MYO1D: variants seen among roughly 807,000 people sequenced by gnomAD.
MYO1D encodes the protein myosin ID.
MYO1D carries 83 observed loss-of-function variants against 122.0 expected under a neutral mutation model. The observed-to-expected ratio is 0.68, with a 90% CI of 0.57 to 0.82. The LOEUF (loss-of-function observed/expected upper bound fraction) is 0.82. Ranked by LOEUF, MYO1D falls within the 40% of genes least tolerant of loss-of-function variation. The pLI is 0.00. For synonymous variants in MYO1D, 464 were observed against 446.9 expected, an observed-to-expected ratio of 1.04 and a Z score of -0.48; for missense variants, 1,157 against 1,269.5, an observed-to-expected ratio of 0.91 and a Z score of 1.35.
At chr17:32,620,893 A>G (rs2087847316) in intron 20 of MYO1D, among the ~76,000 whole-genome samples, 1 of 152,178 alleles carries the variant, frequency 6.6e-6, no homozygotes, top group African/African-American at 2.4e-5. Flanking sequence ...AACATACACA[A>G]GTATTTGCAT....
rs1055495103 is a variant in MYO1D at position 32,845,420 on chromosome 17, T to C, written c.95+31358A>G. On this transcript the variant is annotated intron_variant, in intron 1 of 21. Transcript: ENST00000318217. The stretch of plus-strand genomic sequence containing the variant: ...TTTCAGCTTTGCTACGAAAAAAAGA[T>C]AGAGTGCCATAATATTGATAATGTC... Among the ~76,000 whole-genome samples, 9 of 152,278 alleles carry C rather than the reference T, an allele frequency of 5.9e-5. 1 individual carries two copies. In the Middle Eastern group the frequency reaches 0.02, roughly 345 times the overall value.
chr17:32,864,080 A>G (rs2091103565), intron 1 of MYO1D, among the ~76,000 whole-genome samples: 1 of 135,020 alleles, frequency 7.4e-6, no homozygotes, highest in Non-Finnish European at 1.5e-5. Flanking sequence ...TGGAAAAAAA[A>G]TCATCTAAAA....
intron 1 of MYO1D, among the ~76,000 whole-genome samples, chr17:32,839,560 A>T (rs1402043346): frequency 3.3e-5 from 5 of 152,204 alleles, no homozygotes; most frequent in Admixed American, 3.3e-4. Flanking sequence ...GTGAGCTGGA[A>T]TATGGACAGC....
At chr17:32,739,236 A>G (rs1186655659) in intron 13 of MYO1D, among the ~76,000 whole-genome samples, 1 of 152,134 alleles carries the variant, frequency 6.6e-6, no homozygotes, top group Non-Finnish European at 1.5e-5. Flanking sequence ...TTGGGGGTTG[A>G]GCAACCCAAA....
chr17:32,774,304 T>C (rs2090153081), intron 4 of MYO1D, among the ~76,000 whole-genome samples: 1 of 152,214 alleles, frequency 6.6e-6, no homozygotes. Flanking sequence ...CTATGGGGTT[T>C]CCCCTGCAAT....
intron 19 of MYO1D, among the ~76,000 whole-genome samples, chr17:32,642,138 T>C (rs1186939337): frequency 6.6e-6 from 1 of 152,272 alleles, no homozygotes; most frequent in African/African-American, 2.4e-5. Context: ...CAGTTTCAGC[T>C]TTCTACATAT....
chr17:32,532,811 G>A (rs2150873976), intron 21 of MYO1D, among the ~76,000 whole-genome samples: 1 of 151,062 alleles, frequency 6.6e-6, no homozygotes, highest in South Asian at 2.1e-4. Flanking sequence ...CACTCCCATT[G>A]TTTGGTGCAA....
intron 15 of MYO1D, among the ~76,000 whole-genome samples, chr17:32,719,806 A>T (rs1358980490): frequency 6.6e-6 from 1 of 152,214 alleles, no homozygotes; most frequent in Non-Finnish European, 1.5e-5. Context: ...GTCTGATTAC[A>T]AAGTTTGACA....
chr17:32,643,231 AT>A (rs2088230924), intron 19 of MYO1D, among the ~76,000 whole-genome samples: 1 of 152,058 alleles, frequency 6.6e-6, no homozygotes, highest in African/African-American at 2.4e-5. Context: ...ACGTTTACTG[AT>A]TTGCATATGT....
intron 21 of MYO1D, chr17:32,519,479 G>C (rs1046057882): frequency 2.0e-5 from 3 of 152,402 alleles, no homozygotes; most frequent in African/African-American, 7.2e-5. Context: ...TGGCGGCGGC[G>C]GCGGGGGCGG....
At chr17:32,785,842 A>G (rs1382602514) in intron 1 of MYO1D, among the ~76,000 whole-genome samples, 1 of 152,136 alleles carries the variant, frequency 6.6e-6, no homozygotes, top group African/African-American at 2.4e-5. Context: ...GTATCACTTC[A>G]AATACCATTC....
In MYO1D at chr17:32,780,582, T is replaced by C. The variant is rs760236211; in HGVS notation, c.298A>G (p.Ile100Val). 2 of 1,613,884 alleles carry C rather than the reference T, an allele frequency of 1.2e-6. No homozygotes were observed. The highest frequency in any genetic ancestry group is 1.7e-6 in the Non-Finnish European group (2 of 1,179,954). Residue 100 changes from isoleucine to valine, a missense_variant, in exon 2 of 22, where the codon ATA becomes GTA. Transcript: ENST00000318217. ...GGGGATCCCCTCCAATTACCTGATA[T>C]CACAATACAAGTGTCTTTTGATCGC... ...KRRSKDTCIV[I>V]SGESGAGKTE...
rs1908969274 is a variant in MYO1D at position 32,493,568 on chromosome 17, C to T, written c.*1191G>A. Reference sequence around the variant, plus strand: ...CCTCTCACCGCATGGGGCATTTGCTCCCAGCCTCTACTTCCCTCAAGGCCT... The same window carrying T: ...CCTCTCACCGCATGGGGCATTTGCTTCCAGCCTCTACTTCCCTCAAGGCCT... On this transcript the variant is annotated 3_prime_UTR_variant, in exon 22 of 22. Coordinates refer to ENST00000318217, the MANE Select transcript of MYO1D (RefSeq NM_015194.3). 6.6e-6 allele frequency: 1 copy of T among 152,484 alleles called. No individual in the cohort carries two copies. The allele number at this position is 152,484 out of a possible 1,614,324, so 9.4% of individuals were successfully genotyped here.
chr17:32,718,983 C>T (rs971530676), intron 15 of MYO1D, among the ~76,000 whole-genome samples: 6 of 152,200 alleles, frequency 3.9e-5, no homozygotes, highest in Admixed American at 2.6e-4. Flanking sequence ...TGCCTAGATA[C>T]TTAGTAGGCA....
At chr17:32,853,390 T>C (rs1045997254) in intron 1 of MYO1D, among the ~76,000 whole-genome samples, 1 of 152,236 alleles carries the variant, frequency 6.6e-6, no homozygotes, top group Non-Finnish European at 1.5e-5. Context: ...ATAAAAAATC[T>C]TTAGCATAGG....
At position 32,822,376 on chromosome 17, in the gene MYO1D, G is replaced by T. The variant is rs1370758828; in HGVS notation, c.96-41592C>A. Among the ~76,000 whole-genome samples, 4 of 150,380 alleles carry T rather than the reference G, an allele frequency of 2.7e-5. No homozygotes were observed. In the East Asian group the frequency reaches 7.9e-4, roughly 30 times the overall value. ...ACATCACACACTGGGGCCTGTTGTG[G>T]GGTAGGGGGAGGGGGGAGGGATAAC... On this transcript the variant is annotated intron_variant, in intron 1 of 21. Transcript: ENST00000318217.
In MYO1D at chr17:32,707,944, G is replaced by A. The variant is rs141234241; in HGVS notation, c.2121+4044C>T. Among the ~76,000 whole-genome samples the A allele has an allele frequency of 7.0e-3, 1,067 of 152,268 alleles. 11 individuals carry two copies. Among genetic ancestry groups the A allele is most frequent in the African/African-American group, 0.025 (1,021 of 41,548 alleles). ...TGAGTGCATCTGGTGCCACTCTACT[G>A]GGAGAAGACTCTTGGAAGCCTGCTC... On this transcript the variant is annotated intron_variant, in intron 16 of 21. Transcript: ENST00000318217.
intron 19 of MYO1D, among the ~76,000 whole-genome samples, chr17:32,640,814 G>C (rs1436294123): frequency 6.6e-6 from 1 of 151,918 alleles, no homozygotes; most frequent in Non-Finnish European, 1.5e-5. Flanking sequence ...TTTTGTGAAA[G>C]TAAGGGTCCA....
At position 32,494,904 on chromosome 17, in the gene MYO1D, T is replaced by C. The variant is rs1385186811; in HGVS notation, c.2876A>G (p.His959Arg). 1 of 1,600,332 alleles carries C rather than the reference T, an allele frequency of 6.2e-7. No homozygotes were observed. The change falls in exon 22 of 22, where the codon CAC becomes CGC. Residue 959 changes from histidine (H) to arginine (R), a missense_variant. Physicochemically the swap from His to Arg is conservative, Grantham distance 29 (BLOSUM62 0). Transcript: ENST00000318217. The part of the protein sequence containing the change: ...LVNHFKSEKR[H>R]LQVNVTNPVQ... ...TGGGTTGGTGACGTTCACTTGAAGG[T>C]GGCGCTTCTCACTGCAGGAACCAAA...
Sources: gnomAD v4.1 joint callset for allele counts (sites outside exome capture counted in the v4.1 genomes callset) on GRCh38, gnomAD v4.1.1 for gene constraint, MANE v1.5 for transcripts, NCBI Gene and HGNC (gene_info 2026-07-23, HGNC 2026-07-21) for gene names.